UNC5A: variants seen among roughly 807,000 people sequenced by gnomAD.
The protein encoded by UNC5A is unc-5 netrin receptor A, also known as netrin receptor UNC5A.
UNC5A carries 20 observed loss-of-function variants against 87.4 expected under a neutral mutation model. That is an observed-to-expected ratio of 0.23 (90% confidence interval 0.16 to 0.33). UNC5A has a LOEUF of 0.33. Among genes scored for constraint, UNC5A ranks in the 10% least tolerant of loss-of-function variants. The pLI is 1.00. For missense variants in UNC5A, 844 were observed against 1,133.4 expected (o/e 0.74, Z 3.67); for synonymous variants, 438 against 482.3 (o/e 0.91, Z 1.20).
Position 176,879,733 on chromosome 5 carries a change from C to T in UNC5A, c.2376C>T (p.Phe792=), listed in dbSNP as rs1170638589. Residue 792 remains phenylalanine (F), a synonymous_variant, in exon 15 of 15, where the codon TTC becomes TTT. Transcript: ENST00000329542. ...CTCCCCTCCACAGCCATCTCAGCTT[C>T]TTTGCCTCCAAGCCCAGCCCCACAG... The part of the protein sequence containing the change: ...QKLHLDSHLS[F]FASKPSPTAM... 1.2e-6 allele frequency: 2 copies of T among 1,612,996 alleles called. No individual in the cohort carries two copies. Among genetic ancestry groups the T allele is most frequent in the Admixed American group, 1.7e-5 (1 of 59,994 alleles).
At chr5:176,834,869 T>A (rs1010449998) in intron 1 of UNC5A, among the ~76,000 whole-genome samples, 41 of 152,278 alleles carry the variant, frequency 2.7e-4, no homozygotes, top group Non-Finnish European at 8.8e-5. Context: ...CCACTGTCCC[T>A]CTCCCTTCCC....
Position 176,879,715 on chromosome 5 carries a change from C to G in UNC5A, c.2364-6C>G. ...AGGCTGCTGACGGCCCCCCTCCCCT[C>G]CACAGCCATCTCAGCTTCTTTGCCT... On this transcript the variant is annotated splice_region_variant and splice_polypyrimidine_tract_variant and intron_variant, in intron 14 of 14. Transcript: ENST00000329542. 6.2e-7 allele frequency: 1 copy of G among 1,611,978 alleles called. No homozygotes were observed. Among genetic ancestry groups the G allele is most frequent in the East Asian group, 2.2e-5 (1 of 44,856 alleles).
chr5:176,811,965 G>A (rs748208604), intron 1 of UNC5A, among the ~76,000 whole-genome samples: 4 of 152,012 alleles, frequency 2.6e-5, no homozygotes, highest in Non-Finnish European at 4.4e-5. Flanking sequence ...GATTGAGGCC[G>A]ATGGCTGTTT....
rs1428734478 is a variant in UNC5A, at chr5:176,873,153, C to T, written c.887-815C>T. 4.6e-5 allele frequency among the ~76,000 whole-genome samples: 7 copies of T among 150,808 alleles called. No individual in the cohort carries two copies. The East Asian group carries it at 9.8e-4, about 21-fold the overall frequency. On this transcript the variant is annotated intron_variant, in intron 6 of 14. Transcript: ENST00000329542. ...ACCCAACACCACAGCTTCCCATCTG[C>T]CCACACTCACCAACACCACAGCTTC...
intron 1 of UNC5A, among the ~76,000 whole-genome samples, chr5:176,840,728 C>T (rs1757255850): frequency 5.3e-5 from 8 of 152,230 alleles, no homozygotes; most frequent in Admixed American, 4.6e-4. Context: ...ACTCCACAAC[C>T]AAGAGGACTT....
chr5:176,813,600 AG>A (rs369235116), intron 1 of UNC5A, among the ~76,000 whole-genome samples: 33 of 152,040 alleles, frequency 2.2e-4, no homozygotes, highest in African/African-American at 7.5e-4. Context: ...CTGTGTTGGG[AG>A]GGGGGGCTTC....
Position 176,874,476 on chromosome 5 carries a change from A to G in UNC5A, c.1288A>G (p.Asn430Asp). 1 of 1,612,784 alleles carries G rather than the reference A, an allele frequency of 6.2e-7. No individual in the cohort carries two copies. The highest frequency in any genetic ancestry group is 8.5e-7 in the Non-Finnish European group (1 of 1,179,514). Reference protein sequence around the residue: ...EEFVSRLSTQNYFRSLPRGTS... With the variant: ...EEFVSRLSTQDYFRSLPRGTS... ...GTTCGTCTCCCGCCTCTCCACCCAG[A>G]ACTACTTCCGCTCCCTGCCCCGAGG... is the stretch of plus-strand genomic sequence containing the variant. Residue 430 changes from asparagine (N) to aspartate (D), a missense_variant, in exon 8 of 15, where the codon AAC becomes GAC. By Grantham distance (23) the Asn-to-Asp change is conservative. Coordinates refer to ENST00000329542, the MANE Select transcript of UNC5A (RefSeq NM_133369.3). This position sits in a 1 kb window ranked among gnomAD's most constrained non-coding sequence, Gnocchi z 7.6.
chr5:176,811,577 C>T (rs1184605265), intron 1 of UNC5A, among the ~76,000 whole-genome samples: 3 of 146,572 alleles, frequency 2.0e-5, no homozygotes, highest in African/African-American at 7.5e-5. Context: ...ACTGCTAACT[C>T]AGCCCTCAGC....
chr5:176,843,935 C>T (rs1000625707), intron 1 of UNC5A, among the ~76,000 whole-genome samples: 2 of 152,262 alleles, frequency 1.3e-5, no homozygotes, highest in African/African-American at 4.8e-5. Context: ...TCCCGCTGAT[C>T]GTGTGAGGCG....
rs866562102 is a variant in UNC5A at position 176,878,272 on chromosome 5, G to A, written c.1898G>A (p.Gly633Glu). ...KEVVQLEKQL[G>E]GQLIQEPRVL... ...GTGGTGCAGCTGGAGAAGCAGCTGG[G>A]GGGACAGCTGATCCAGGAGCCACGG... is the stretch of plus-strand genomic sequence containing the variant. Residue 633 changes from glycine to glutamate, a missense_variant, in exon 12 of 15, where the codon GGG (glycine) becomes GAG (glutamate). Gly to Glu is a moderately conservative substitution (Grantham distance 98, BLOSUM62 -2). Transcript: ENST00000329542. The A allele has an allele frequency of 1.2e-6, 2 of 1,612,772 alleles. No homozygotes were observed. Among genetic ancestry groups the A allele is most frequent in the Non-Finnish European group, 1.7e-6 (2 of 1,179,890 alleles).
chr5:176,840,418 C>T (rs961679280), intron 1 of UNC5A, among the ~76,000 whole-genome samples: 29 of 152,334 alleles, frequency 1.9e-4, no homozygotes, highest in Middle Eastern at 3.4e-3. Context: ...CAGCCCGCAG[C>T]TTCCTAAATG....
In UNC5A at chr5:176,878,034, C is replaced by T. The variant is rs1423155920; in HGVS notation, c.1776C>T (p.Arg592=). The T allele has an allele frequency of 2.5e-6, 4 of 1,608,826 alleles. No individual in the cohort carries two copies. The highest frequency in any genetic ancestry group is 3.4e-6 in the Non-Finnish European group (4 of 1,179,962). ...GEALSVAAAK[R]LKLLLFAPVA... ...CCCTCAGCGTGGCTGCCGCCAAGCGCCTCAAGCTGCTTCTGTTTGCGCCGG... is the reference window on the plus strand; with the variant it reads ...CCCTCAGCGTGGCTGCCGCCAAGCGTCTCAAGCTGCTTCTGTTTGCGCCGG... Residue 592 remains arginine (R), a synonymous_variant, in exon 11 of 15, where the codon CGC becomes CGT. Transcript: ENST00000329542.
intron 1 of UNC5A, among the ~76,000 whole-genome samples, chr5:176,851,451 A>G (rs1344749279): frequency 6.6e-6 from 1 of 152,250 alleles, no homozygotes; most frequent in Non-Finnish European, 1.5e-5. Flanking sequence ...GGCGGGGCAC[A>G]CATTAAACCA....
rs1009355627 is a variant in UNC5A at position 176,866,528 on chromosome 5, T to TC, written c.293-1598dup. The stretch of plus-strand genomic sequence containing the variant: ...TGAGGCTCCTGAAGGAGGGCCGGGC[T>TC]CCCCACAGCACCACGGGGGATGGAG... On this transcript the variant is annotated intron_variant, in intron 2 of 14. Transcript: ENST00000329542. The surrounding 1 kb of genome is among the most constrained non-coding windows in gnomAD (Gnocchi z 5.0). Among the ~76,000 whole-genome samples the TC allele has an allele frequency of 1.8e-4, 27 of 152,148 alleles. No individual in the cohort carries two copies. Among genetic ancestry groups the TC allele is most frequent in the Admixed American group, 3.3e-4 (5 of 15,280 alleles).
In UNC5A at chr5:176,815,805, TC is replaced by T. The variant is rs1756573535; in HGVS notation, c.70+4991del. On this transcript the variant is annotated intron_variant, in intron 1 of 14. Transcript: ENST00000329542. ...GGGCCCCTTCTGGTTGGAAGAAGCA[TC>T]CCCCCTCCCCCGCCATTGACACATA... 2.0e-5 allele frequency among the ~76,000 whole-genome samples: 3 copies of T among 151,616 alleles called. No homozygotes were observed. The South Asian group carries it at 6.3e-4, about 32-fold the overall frequency.
intron 1 of UNC5A, among the ~76,000 whole-genome samples, chr5:176,857,521 C>CCA: frequency 6.6e-6 from 1 of 152,030 alleles, no homozygotes; most frequent in African/African-American, 2.4e-5. Context: ...CACATGCATG[C>CCA]CACACACACA....
chr5:176,845,507 C>T (rs552585281), intron 1 of UNC5A, among the ~76,000 whole-genome samples: 139 of 152,372 alleles, frequency 9.1e-4, no homozygotes, highest in African/African-American at 3.3e-3. Flanking sequence ...TTGCTGGCTT[C>T]CCCTGCTGGA....
At chr5:176,818,117 C>A (rs1026216740) in intron 1 of UNC5A, among the ~76,000 whole-genome samples, 3 of 152,230 alleles carry the variant, frequency 2.0e-5, no homozygotes, top group African/African-American at 7.2e-5. Flanking sequence ...CTGCCCCTGC[C>A]CGCCCTTCCC....
chr5:176,868,968 G>T lies in UNC5A; in HGVS notation c.721+4G>T, dbSNP rs1195173853. The stretch of plus-strand genomic sequence containing the variant: ...TCCGCTGCTGTCATCGTCTACGGTG[G>T]GCCCCGGGACTCCCTGGTCACAGGG... On this transcript the variant is annotated splice_donor_region_variant and intron_variant, in intron 5 of 14. Transcript: ENST00000329542. 1.9e-6 allele frequency: 3 copies of T among 1,595,054 alleles called. No individual in the cohort carries two copies. In the African/African-American group the frequency reaches 4.0e-5, roughly 21 times the overall value.
Sources: gnomAD v4.1 joint callset for allele counts (sites outside exome capture counted in the v4.1 genomes callset) on GRCh38, gnomAD v4.1.1 for gene constraint, Gnocchi (gnomAD v3.1) non-coding constraint, MANE v1.5 for transcripts, NCBI Gene and HGNC (gene_info 2026-07-23, HGNC 2026-07-21) for gene names.